The following GRID2 variants were observed in gnomAD, a reference collection of about 807,000 sequenced individuals.
The protein encoded by GRID2 is glutamate ionotropic receptor delta type subunit 2.
Under a neutral mutation model 114.8 loss-of-function variants are expected in GRID2, and 33 were observed. The ratio of observed to expected loss-of-function variants is 0.29; its 90% CI spans 0.22 to 0.38. GRID2 has a LOEUF of 0.38. GRID2 is among the 10% of genes least tolerant of loss of function. GRID2 has a pLI of 1.00. For synonymous variants in GRID2, 505 were observed against 449.9 expected (o/e 1.12, Z -1.55); for missense variants, 1,184 against 1,257.7 (o/e 0.94, Z 0.89).
chr4:92,690,978 C>A (rs1734155090), intron 2 of GRID2, among the ~76,000 whole-genome samples: 1 of 152,004 alleles, frequency 6.6e-6, no homozygotes, highest in African/African-American at 2.4e-5. Flanking sequence ...GAAAAGAGAG[C>A]AAAATACATT....
At chr4:93,382,366 G>C (rs1402315151) in intron 8 of GRID2, among the ~76,000 whole-genome samples, 1 of 151,918 alleles carries the variant, frequency 6.6e-6, no homozygotes, top group African/African-American at 2.4e-5. Flanking sequence ...TAATGCATCT[G>C]TTTGTCCACT....
At chr4:92,409,802 A>T (rs1731209185) in intron 1 of GRID2, among the ~76,000 whole-genome samples, 1 of 152,156 alleles carries the variant, frequency 6.6e-6, no homozygotes, top group South Asian at 2.1e-4. Context: ...GAGAGAGGAA[A>T]GAGAGTTACA....
chr4:92,921,627 A>G (rs890432871), intron 2 of GRID2, among the ~76,000 whole-genome samples: 4 of 152,106 alleles, frequency 2.6e-5, no homozygotes, highest in African/African-American at 9.7e-5. Context: ...GACCCTGTTT[A>G]CCTGAGTATC....
intron 8 of GRID2, among the ~76,000 whole-genome samples, chr4:93,274,612 G>T (rs555835037): frequency 1.4e-4 from 22 of 152,066 alleles, no homozygotes; most frequent in Middle Eastern, 3.4e-3. Context: ...CTTAACATTT[G>T]CCCGAGTGAC....
At position 92,740,949 on chromosome 4, in the gene GRID2, T is replaced by TC. The variant is rs1439464260; in HGVS notation, c.244+150664dup. ...TTTATTAGTTTTATTAGAAGGGGTTTCACCATGTTGGGCAGGCTGGTCTTG... is the reference window on the plus strand; with the variant it reads ...TTTATTAGTTTTATTAGAAGGGGTTTCCACCATGTTGGGCAGGCTGGTCTTG... On this transcript the variant is annotated intron_variant, in intron 2 of 15. Coordinates refer to ENST00000282020, the MANE Select transcript of GRID2 (RefSeq NM_001510.4). Among the ~76,000 whole-genome samples, 8 of 152,218 alleles carry TC rather than the reference T, an allele frequency of 5.3e-5. No homozygotes were observed. The East Asian group carries it at 1.5e-3, about 29-fold the overall frequency.
chr4:92,911,019 A>G (rs1281835483), intron 2 of GRID2, among the ~76,000 whole-genome samples: 2 of 152,090 alleles, frequency 1.3e-5, no homozygotes, highest in African/African-American at 4.8e-5. Flanking sequence ...TAGAGTACAA[A>G]TACTGCACGT....
At chr4:93,017,121 T>C (rs939174471) in intron 2 of GRID2, among the ~76,000 whole-genome samples, 7 of 152,214 alleles carry the variant, frequency 4.6e-5, no homozygotes, top group South Asian at 4.1e-4. Flanking sequence ...TTAAAACTTA[T>C]CTACATTTCA....
At chr4:92,934,858 C>G (rs892139405) in intron 2 of GRID2, among the ~76,000 whole-genome samples, 1 of 146,910 alleles carries the variant, frequency 6.8e-6, no homozygotes, top group Non-Finnish European at 1.5e-5. Flanking sequence ...AAACTGGATC[C>G]CTTCCTTACA....
intron 2 of GRID2, among the ~76,000 whole-genome samples, chr4:92,819,427 G>A (rs1364786671): frequency 6.6e-6 from 1 of 152,080 alleles, no homozygotes; most frequent in Non-Finnish European, 1.5e-5. Context: ...GGCATGAAGA[G>A]TGAATAGGGT....
intron 2 of GRID2, among the ~76,000 whole-genome samples, chr4:93,073,315 A>T (rs1728972675): frequency 6.6e-6 from 1 of 152,332 alleles, no homozygotes; most frequent in East Asian, 1.9e-4. Context: ...TTATAAACAG[A>T]TAATGTAAAC....
chr4:93,617,340 A>G (rs1449437533), intron 13 of GRID2, among the ~76,000 whole-genome samples: 1 of 152,212 alleles, frequency 6.6e-6, no homozygotes, highest in East Asian at 1.9e-4. Flanking sequence ...CACTGTTTTT[A>G]ACTGTGCATT....
intron 1 of GRID2, among the ~76,000 whole-genome samples, chr4:92,582,674 TA>T (rs1728237176): frequency 6.6e-6 from 1 of 151,944 alleles, no homozygotes; most frequent in Non-Finnish European, 1.5e-5. Flanking sequence ...TTATAATTAT[TA>T]TGAAATGATG....
intron 8 of GRID2, among the ~76,000 whole-genome samples, chr4:93,368,706 G>A (rs1762581776): frequency 6.6e-6 from 1 of 151,890 alleles, no homozygotes; most frequent in African/African-American, 2.4e-5. Context: ...GTCAGCATGG[G>A]GTAAATTAGA....
intron 1 of GRID2, among the ~76,000 whole-genome samples, chr4:92,387,743 G>A (rs1461081779): frequency 6.6e-6 from 1 of 151,982 alleles, no homozygotes; most frequent in Non-Finnish European, 1.5e-5. Flanking sequence ...CCTATTTAAA[G>A]GACTTTCTCA....
At chr4:93,236,183 C>T (rs1746771868) in intron 7 of GRID2, among the ~76,000 whole-genome samples, 1 of 151,994 alleles carries the variant, frequency 6.6e-6, no homozygotes, top group Non-Finnish European at 1.5e-5. Flanking sequence ...ATAAGATGCA[C>T]TGCACTTACT....
chr4:93,218,576 A>G (rs1187859031), intron 6 of GRID2, among the ~76,000 whole-genome samples: 1 of 152,150 alleles, frequency 6.6e-6, no homozygotes, highest in Non-Finnish European at 1.5e-5. Flanking sequence ...CTTCTCTACC[A>G]TTTCCTCCAT....
chr4:93,100,326 T>C (rs963956196), intron 3 of GRID2, among the ~76,000 whole-genome samples: 12 of 151,804 alleles, frequency 7.9e-5, no homozygotes, highest in African/African-American at 2.7e-4. Context: ...ACCTCAGAAA[T>C]CTAGTATAGC....
In GRID2 at chr4:93,500,578, G is replaced by T. The variant is rs1560686690; in HGVS notation, c.1997+9801G>T. On this transcript the variant is annotated intron_variant, in intron 12 of 15. Transcript: ENST00000282020. ...CTACCTTACAGTCTATCTTGCTGAG[G>T]GTTGTCTTTTTGCCCTGCTGCTTAA... Among the ~76,000 whole-genome samples the T allele has an allele frequency of 1.3e-5, 2 of 151,854 alleles. 1 individual carries two copies. Among genetic ancestry groups the T allele is most frequent in the South Asian group, 4.1e-4 (2 of 4,820 alleles).
intron 2 of GRID2, among the ~76,000 whole-genome samples, chr4:92,612,333 T>C (rs1316078137): frequency 1.3e-5 from 2 of 151,538 alleles, no homozygotes; most frequent in African/African-American, 4.8e-5. Flanking sequence ...CCTGTCTTTA[T>C]GCTAGTACCA....
Sources: allele counts gnomAD v4.1 joint callset (sites outside exome capture counted in the v4.1 genomes callset), GRCh38; gene constraint gnomAD v4.1.1; transcripts MANE v1.5; gene names NCBI Gene and HGNC (gene_info 2026-07-23, HGNC 2026-07-21).